Variants in PRDM11 observed in about 807,000 individuals in gnomAD.
The protein encoded by PRDM11 is PR domain-containing protein 11.
Under a neutral mutation model 97.8 loss-of-function variants are expected in PRDM11, and 20 were observed. That is an observed-to-expected ratio of 0.20 (90% CI 0.14 to 0.30). The LOEUF is 0.30. Ranked by LOEUF, PRDM11 falls within the 10% of genes least tolerant of loss-of-function variation. The pLI is 1.00. For synonymous variants in PRDM11, 599 were observed against 637.7 expected (o/e 0.94, Z 0.91); for missense variants, 1,139 against 1,555.2 (o/e 0.73, Z 4.50).
intron 4 of PRDM11, among the ~76,000 whole-genome samples, chr11:45,199,521 G>A (rs142001187): frequency 2.0e-5 from 3 of 152,302 alleles, no homozygotes; most frequent in Admixed American, 6.5e-5. Flanking sequence ...CACCATGCAG[G>A]TTCCCCAGGT....
intron 4 of PRDM11, among the ~76,000 whole-genome samples, chr11:45,188,407 C>T (rs965455433): frequency 7.3e-5 from 11 of 151,398 alleles, no homozygotes; most frequent in Admixed American, 7.2e-4. Flanking sequence ...AGTCTGACTC[C>T]AGAACCTACC....
intron 1 of PRDM11, among the ~76,000 whole-genome samples, chr11:45,116,304 T>C (rs982955145): frequency 3.3e-5 from 5 of 152,210 alleles, no homozygotes; most frequent in Non-Finnish European, 7.3e-5. Flanking sequence ...TTTAACACCA[T>C]TTATAGAACA....
At chr11:45,212,114 G>A (rs1428163553) in intron 5 of PRDM11, among the ~76,000 whole-genome samples, 6 of 152,214 alleles carry the variant, frequency 3.9e-5, no homozygotes, top group Admixed American at 6.5e-5. Flanking sequence ...CAGGGCAGTC[G>A]TTATCATTGC....
chr11:45,126,588 G>A lies in PRDM11; in HGVS notation c.96+30687G>A, dbSNP rs1486973674. Among the ~76,000 whole-genome samples, 32 of 151,966 alleles carry A rather than the reference G, an allele frequency of 2.1e-4. 1 individual carries two copies. Among genetic ancestry groups the A allele is most frequent in the East Asian group, 1.4e-3 (7 of 5,150 alleles). On this transcript the variant is annotated intron_variant, in intron 1 of 6. Transcript: ENST00000530656. Reference sequence around the variant, plus strand: ...CTGTAAAGTATTTTATTTCTCCTTCGCTTATGAAGCTTAGTTTGGCTGGAT... The same window carrying A: ...CTGTAAAGTATTTTATTTCTCCTTCACTTATGAAGCTTAGTTTGGCTGGAT...
chr11:45,179,666 G>A (rs1429865400), intron 1 of PRDM11, among the ~76,000 whole-genome samples: 1 of 152,114 alleles, frequency 6.6e-6, no homozygotes, highest in Non-Finnish European at 1.5e-5. Flanking sequence ...TCCTTATAAG[G>A]GCACCTAACC....
intron 1 of PRDM11, among the ~76,000 whole-genome samples, chr11:45,151,717 C>T (rs960630005): frequency 1.3e-5 from 2 of 152,202 alleles, no homozygotes; most frequent in Admixed American, 6.5e-5. Context: ...GGGAAAGCTT[C>T]GCTGAGGAGG....
Position 45,219,773 on chromosome 11 carries a change from CACATGAGCTGCGCCCACCTCTG to C in PRDM11, c.742+18_742+39del. 1 of 1,608,184 alleles carries C rather than the reference CACATGAGCTGCGCCCACCTCTG, an allele frequency of 6.2e-7. No individual in the cohort carries two copies. Among genetic ancestry groups the C allele is most frequent in the Non-Finnish European group, 8.5e-7 (1 of 1,176,628 alleles). On this transcript the variant is annotated intron_variant, in intron 6 of 7. Transcript: ENST00000683152. The surrounding 1 kb of genome is among the most constrained non-coding windows in gnomAD (Gnocchi z 4.2). ...CTGGCCAGAGGTGAGTGCCATGCTC[CACATGAGCTGCGCCCACCTCTG>C]AGCCCCAGGGGAGGCCTGGATAGCT...
At chr11:45,166,008 CTG>C (rs993591191) in intron 1 of PRDM11, among the ~76,000 whole-genome samples, 9 of 152,372 alleles carry the variant, frequency 5.9e-5, no homozygotes, top group African/African-American at 1.9e-4. Context: ...CTTAACCTCT[CTG>C]AGCCTCCATT....
At chr11:45,158,598 C>T (rs1465234879) in intron 1 of PRDM11, among the ~76,000 whole-genome samples, 2 of 152,216 alleles carry the variant, frequency 1.3e-5, no homozygotes, top group Non-Finnish European at 2.9e-5. Flanking sequence ...AGAGTCCTCA[C>T]CCTGTCTGCT....
chr11:45,131,608 C>T (rs955196503), intron 1 of PRDM11, among the ~76,000 whole-genome samples: 2 of 152,100 alleles, frequency 1.3e-5, no homozygotes, highest in African/African-American at 2.4e-5. Context: ...ACTGGCAACA[C>T]CTAAATGTCT....
intron 1 of PRDM11, among the ~76,000 whole-genome samples, chr11:45,137,890 A>G (rs947328296): frequency 1.3e-5 from 2 of 152,066 alleles, no homozygotes; most frequent in African/African-American, 4.8e-5. Flanking sequence ...TAGACTTATG[A>G]CTCTCAACCC....
chr11:45,149,066 C>G (rs1302431288), intron 1 of PRDM11, among the ~76,000 whole-genome samples: 3 of 152,234 alleles, frequency 2.0e-5, no homozygotes, highest in South Asian at 4.1e-4. Flanking sequence ...TAACTTTATC[C>G]TCTCAAATGA....
At chr11:45,192,547 C>A (rs949885241) in intron 4 of PRDM11, among the ~76,000 whole-genome samples, 4 of 152,104 alleles carry the variant, frequency 2.6e-5, no homozygotes, top group African/African-American at 4.8e-5. Context: ...TGTATCAGAG[C>A]AAAAGTAGAA....
chr11:45,096,501 G>A (rs1458963811), intron 1 of PRDM11, among the ~76,000 whole-genome samples: 2 of 152,178 alleles, frequency 1.3e-5, no homozygotes, highest in African/African-American at 2.4e-5. Context: ...GGTTGTGGGG[G>A]TGCAGGCAGG....
intron 1 of PRDM11, among the ~76,000 whole-genome samples, chr11:45,108,579 G>A (rs1304449828): frequency 6.6e-6 from 1 of 152,220 alleles, no homozygotes; most frequent in Non-Finnish European, 1.5e-5. Context: ...CCTGCCCTTG[G>A]ACAGGATTCC....
chr11:45,122,088 G>GA lies in PRDM11; in HGVS notation c.96+26195dup, dbSNP rs1236538675. The stretch of plus-strand genomic sequence containing the variant: ...AAAGATGAAAGCAGAAATCAAATAG[G>GA]AAAAAAAATACACAGTGGAGAAAAT... On this transcript the variant is annotated intron_variant, in intron 1 of 6. Transcript: ENST00000530656. Among the ~76,000 whole-genome samples the GA allele has an allele frequency of 3.3e-5, 5 of 150,878 alleles. No individual in the cohort carries two copies. In the East Asian group the frequency reaches 7.8e-4, roughly 23 times the overall value.
At chr11:45,121,526 C>T (rs190328342) in intron 1 of PRDM11, among the ~76,000 whole-genome samples, 2,634 of 152,118 alleles carry the variant, frequency 0.017, 89 homozygotes, top group African/African-American at 0.06. Context: ...TCAGAAAATG[C>T]TAAAACAAGC....
chr11:45,161,165 C>T (rs533074485), intron 1 of PRDM11, among the ~76,000 whole-genome samples: 4 of 152,288 alleles, frequency 2.6e-5, no homozygotes, highest in South Asian at 2.1e-4. Flanking sequence ...TGCTGAGGAC[C>T]GAGTGAGCTA....
chr11:45,187,170 G>A (rs1051108737), intron 4 of PRDM11, among the ~76,000 whole-genome samples: 2 of 152,186 alleles, frequency 1.3e-5, no homozygotes, highest in African/African-American at 4.8e-5. Flanking sequence ...GTAATACAGA[G>A]GCAGAGTATT....
Sources: allele counts gnomAD v4.1 joint callset (sites outside exome capture counted in the v4.1 genomes callset), GRCh38; gene constraint gnomAD v4.1.1; non-coding constraint Gnocchi (gnomAD v3.1); transcripts MANE v1.5; gene names NCBI Gene and HGNC (gene_info 2026-07-23, HGNC 2026-07-21).